The following CDC42EP3 variants were observed in gnomAD, a reference collection of about 807,000 sequenced individuals.
CDC42EP3 encodes CDC42 effector protein 3, also known as CDC42 effector protein (Rho GTPase binding) 3.
Under a neutral mutation model 15.5 loss-of-function variants are expected in CDC42EP3, and 4 were observed. The ratio of observed to expected loss-of-function variants is 0.26; its 90% CI spans 0.13 to 0.59. The LOEUF is 0.59. Ranked by LOEUF, CDC42EP3 falls within the 20% of genes least tolerant of loss-of-function variation. The pLI is 0.89. For synonymous variants in CDC42EP3, 145 were observed against 130.3 expected (o/e 1.11, Z -0.77); for missense variants, 309 against 311.2 (o/e 0.99, Z 0.05).
chr2:37,663,745 A>C (rs1173593155), intron 1 of CDC42EP3, among the ~76,000 whole-genome samples: 1 of 152,190 alleles, frequency 6.6e-6, no homozygotes, highest in Non-Finnish European at 1.5e-5. Context: ...AAGGATGCAA[A>C]GTATTGTTCC....
intron 1 of CDC42EP3, among the ~76,000 whole-genome samples, chr2:37,647,980 A>C (rs1224630185): frequency 6.6e-6 from 1 of 152,208 alleles, no homozygotes; most frequent in Admixed American, 6.5e-5. Flanking sequence ...AGCCCTGCCC[A>C]GATTCCTGAC....
chr2:37,649,778 G>A (rs1665607541), intron 1 of CDC42EP3, among the ~76,000 whole-genome samples: 1 of 152,122 alleles, frequency 6.6e-6, no homozygotes, highest in African/African-American at 2.4e-5. Flanking sequence ...CTTGAAGTGG[G>A]GCTTCATGTC....
At chr2:37,666,897 T>C (rs1666267756) in intron 1 of CDC42EP3, among the ~76,000 whole-genome samples, 1 of 152,130 alleles carries the variant, frequency 6.6e-6, no homozygotes, top group African/African-American at 2.4e-5. Context: ...TGGGGTATTG[T>C]TTTGTTTTGT....
chr2:37,648,069 T>A lies in CDC42EP3; in HGVS notation c.-235-1247A>T, dbSNP rs1035235390. ...TGTTACCAGTGTAGAAAGCAACACA[T>A]CCTCCCTGCACATACTATATGATAA... On this transcript the variant is annotated intron_variant, in intron 1 of 1. Coordinates refer to ENST00000295324, the MANE Select transcript of CDC42EP3 (RefSeq NM_006449.5). Among the ~76,000 whole-genome samples the A allele has an allele frequency of 9.2e-5, 14 of 152,152 alleles. No individual in the cohort carries two copies. In the East Asian group the frequency reaches 1.3e-3, roughly 15 times the overall value.
rs1330971349 is a variant in CDC42EP3, at chr2:37,644,646, C to T, written c.*1177G>A. The T allele has an allele frequency of 1.3e-5, 2 of 151,622 alleles. No homozygotes were observed. Among genetic ancestry groups the T allele is most frequent in the Middle Eastern group, 3.4e-3 (1 of 292 alleles). 9.4% of individuals were successfully genotyped at this position (151,622 alleles called of 1,614,324 possible). On this transcript the variant is annotated 3_prime_UTR_variant, in exon 2 of 2. Transcript: ENST00000295324. ...CTTAAAAAAAAAAAAAAAAATCTGA[C>T]CTCACATGTTCATTTTTCCAAAAGT...
intron 1 of CDC42EP3, among the ~76,000 whole-genome samples, chr2:37,662,547 GA>G (rs1170948172): frequency 6.6e-6 from 1 of 152,028 alleles, no homozygotes; most frequent in African/African-American, 2.4e-5. Context: ...TCCCCATTCT[GA>G]AAAAAGAACG....
upstream of CDC42EP3, chr2:37,672,685 C>T (rs976223874): frequency 4.6e-5 from 7 of 152,282 alleles, no homozygotes; most frequent in African/African-American, 1.7e-4. Context: ...GCGGTGTTTT[C>T]CGGCTGGGAG....
At chr2:37,648,030 A>T (rs1379242640) in intron 1 of CDC42EP3, among the ~76,000 whole-genome samples, 1 of 152,174 alleles carries the variant, frequency 6.6e-6, no homozygotes, top group Non-Finnish European at 1.5e-5. Context: ...TAAGCCCTCA[A>T]GTTTGTGGTC....
At chr2:37,664,957 G>A (rs544849654) in intron 1 of CDC42EP3, among the ~76,000 whole-genome samples, 1 of 152,148 alleles carries the variant, frequency 6.6e-6, no homozygotes, top group South Asian at 2.1e-4. Flanking sequence ...CTAATGATCA[G>A]GTACTATGCT....
intron 1 of CDC42EP3, among the ~76,000 whole-genome samples, chr2:37,662,095 A>G (rs906584727): frequency 2.7e-5 from 4 of 149,638 alleles, no homozygotes; most frequent in African/African-American, 9.7e-5. Flanking sequence ...AAAAAAAAAA[A>G]GTAATGTTTT....
intron 1 of CDC42EP3, among the ~76,000 whole-genome samples, chr2:37,658,814 A>T (rs1017966559): frequency 9.2e-5 from 14 of 152,054 alleles, no homozygotes; most frequent in African/African-American, 3.4e-4. Flanking sequence ...GCACAAGGAC[A>T]TTTGCCTTTC....
At chr2:37,653,819 C>A (rs181649948) in intron 1 of CDC42EP3, among the ~76,000 whole-genome samples, 63 of 152,024 alleles carry the variant, frequency 4.1e-4, no homozygotes, top group Admixed American at 3.3e-3. Context: ...TTAAAACACA[C>A]ATGTATAAAA....
At chr2:37,647,751 T>C (rs969856799) in intron 1 of CDC42EP3, 3 of 152,270 alleles carry the variant, frequency 2.0e-5, no homozygotes, top group Non-Finnish European at 4.4e-5. Context: ...TTAGGTTACA[T>C]TATAGGAGAT....
intron 1 of CDC42EP3, among the ~76,000 whole-genome samples, chr2:37,657,310 G>A (rs1369348092): frequency 2.6e-5 from 4 of 152,146 alleles, no homozygotes; most frequent in Non-Finnish European, 1.5e-5. Flanking sequence ...TGCACCTCAC[G>A]TAATCCAACC....
chr2:37,660,406 G>T (rs1170833584), intron 1 of CDC42EP3, among the ~76,000 whole-genome samples: 1 of 152,184 alleles, frequency 6.6e-6, no homozygotes, highest in Non-Finnish European at 1.5e-5. Flanking sequence ...GTTATCTTCA[G>T]TTGGGGCTCT....
chr2:37,665,695 C>T (rs1054858173), intron 1 of CDC42EP3, among the ~76,000 whole-genome samples: 1 of 152,126 alleles, frequency 6.6e-6, no homozygotes, highest in Non-Finnish European at 1.5e-5. Flanking sequence ...TGACGGATTC[C>T]CAAATGTGGA....
intron 1 of CDC42EP3, among the ~76,000 whole-genome samples, chr2:37,654,798 C>G (rs72879490): frequency 0.024 from 3,614 of 152,234 alleles, 105 homozygotes; most frequent in African/African-American, 0.068. Flanking sequence ...ATAGAAATGA[C>G]CAGCCAATCT....
At position 37,644,970 on chromosome 2, in the gene CDC42EP3, A is replaced by T. The variant is rs562367954; in HGVS notation, c.*853T>A. ...AGTCTCTGCAGAAGCATCATGAGTA[A>T]CCTGTGCCTTTACACTTTACAATCC... On this transcript the variant is annotated 3_prime_UTR_variant, in exon 2 of 2. Transcript: ENST00000295324. 6.6e-6 allele frequency: 1 copy of T among 152,298 alleles called. No individual in the cohort carries two copies. The highest frequency in any genetic ancestry group is 1.9e-4 in the East Asian group (1 of 5,188). The allele number at this position is 152,298 out of a possible 1,614,324, so 9.4% of individuals were successfully genotyped here.
At chr2:37,660,132 G>A (rs1314758104) in intron 1 of CDC42EP3, among the ~76,000 whole-genome samples, 1 of 152,216 alleles carries the variant, frequency 6.6e-6, no homozygotes, top group East Asian at 1.9e-4. Flanking sequence ...TTCCCCAAAT[G>A]AGACCAGACT....
Sources: allele counts gnomAD v4.1 joint callset (sites outside exome capture counted in the v4.1 genomes callset), GRCh38; gene constraint gnomAD v4.1.1; transcripts MANE v1.5; gene names NCBI Gene and HGNC (gene_info 2026-07-23, HGNC 2026-07-21).